SV2B: variants seen among roughly 807,000 people sequenced by gnomAD.
The protein encoded by SV2B is solute carrier family 22 member B2.
A neutral mutation model predicts 73.9 loss-of-function variants in SV2B; 41 were observed. The ratio of observed to expected loss-of-function variants is 0.56; its 90% confidence interval spans 0.43 to 0.72. The LOEUF (loss-of-function observed/expected upper bound fraction) is 0.72. Ranked by LOEUF, SV2B falls within the 30% of genes least tolerant of loss-of-function variation. The probability of loss-of-function intolerance (pLI) is 0.00; values close to 1 mark genes in which losing one functional copy is unlikely to be tolerated. For missense variants in SV2B, 764 were observed against 857.8 expected, an observed-to-expected ratio of 0.89 and a Z score of 1.37; for synonymous variants, 314 against 314.2, an observed-to-expected ratio of 1.00 and a Z score of 0.01.
In SV2B at chr15:91,290,239, A is replaced by G. The variant is rs2048996907; in HGVS notation, c.1868+559A>G. On this transcript the variant is annotated intron_variant, in intron 12 of 12. Transcript: ENST00000394232. The surrounding 1 kb of genome is among the most constrained non-coding windows in gnomAD (Gnocchi z 4.7). The stretch of plus-strand genomic sequence containing the variant: ...TCGTGGAGGGGAATTGTAAAGTTTA[A>G]AGGAGAAGATAAGAGGCCCTGTGGT... Among the ~76,000 whole-genome samples the G allele has an allele frequency of 2.6e-5, 4 of 152,190 alleles. No individual in the cohort carries two copies. In the South Asian group the frequency reaches 8.3e-4, roughly 31 times the overall value.
rs1191655296 is a variant in SV2B at position 91,105,960 on chromosome 15, G to A, written c.-392+5597G>A. On this transcript the variant is annotated intron_variant, in intron 1 of 12. Coordinates refer to ENST00000394232, the MANE Select transcript of SV2B (RefSeq NM_001323032.3). The surrounding 1 kb of genome is among the most constrained non-coding windows in gnomAD (Gnocchi z 5.5). ...GCTACTCGGGAGTCTGAGGTGGGAG[G>A]ATCACCTGAGCCTGGGGAGGTCGAG... is the stretch of plus-strand genomic sequence containing the variant. 1.3e-5 allele frequency among the ~76,000 whole-genome samples: 2 copies of A among 152,074 alleles called. No individual in the cohort carries two copies. Among genetic ancestry groups the A allele is most frequent in the Non-Finnish European group, 2.9e-5 (2 of 68,022 alleles).
In SV2B at chr15:91,123,110, A is replaced by G. The variant is rs1352409280; in HGVS notation, c.-392+22747A>G. Reference sequence around the variant, plus strand: ...ACATGGCAAAACCCTGTTTCTACAAAACAAAGTACAAAAATTAGCTAAGCA... The same window carrying G: ...ACATGGCAAAACCCTGTTTCTACAAGACAAAGTACAAAAATTAGCTAAGCA... On this transcript the variant is annotated intron_variant, in intron 1 of 12. Transcript: ENST00000394232. This position sits in a 1 kb window ranked among gnomAD's most constrained non-coding sequence, Gnocchi z 4.7. Among the ~76,000 whole-genome samples, 2 of 151,830 alleles carry G rather than the reference A, an allele frequency of 1.3e-5. No homozygotes were observed. The highest frequency in any genetic ancestry group is 4.8e-5 in the African/African-American group (2 of 41,308).
rs927842600 is a variant in SV2B at position 91,234,710 on chromosome 15, C to G, written c.451+7996C>G. ...TGAGCCAGTTTACAGACCCAGAAAC[C>G]CTTGAATGAAAGGGAGGCTGAATCT... On this transcript the variant is annotated intron_variant, in intron 2 of 12. Transcript: ENST00000394232. The surrounding 1 kb of genome is among the most constrained non-coding windows in gnomAD (Gnocchi z 5.6). 1.3e-5 allele frequency among the ~76,000 whole-genome samples: 2 copies of G among 152,094 alleles called. No homozygotes were observed. The highest frequency in any genetic ancestry group is 1.5e-5 in the Non-Finnish European group (1 of 68,026).
At position 91,226,272 on chromosome 15, in the gene SV2B, C is replaced by T. The variant is rs769352556; in HGVS notation, c.9C>T (p.Asp3=). The T allele has an allele frequency of 2.5e-5, 40 of 1,614,014 alleles. No homozygotes were observed. In the Admixed American group the frequency reaches 3.3e-4, roughly 13 times the overall value. ...AGTCGCAGAACCAAGGAATGGATGA[C>T]TACAAGTATCAGGACAATTATGGGG... The part of the protein sequence containing the change: MD[D]YKYQDNYGGY... The change falls in exon 2 of 13, where the codon GAC becomes GAT. Residue 3 remains aspartate (D), a synonymous_variant. Coordinates refer to ENST00000394232, the MANE Select transcript of SV2B (RefSeq NM_001323032.3).
rs772057834 is a variant in SV2B, at chr15:91,141,177, G to T, written c.-392+40814G>T. On this transcript the variant is annotated intron_variant, in intron 1 of 12. Coordinates refer to ENST00000394232, the MANE Select transcript of SV2B (RefSeq NM_001323032.3). The surrounding 1 kb of genome is among the most constrained non-coding windows in gnomAD (Gnocchi z 4.6). ...ACCCCATTCCCACAGGATTTTCTTC[G>T]GTAGGTCTGCATTGAGGCCTGAGAA... Among the ~76,000 whole-genome samples the T allele has an allele frequency of 2.0e-5, 3 of 152,082 alleles. No individual in the cohort carries two copies. The highest frequency in any genetic ancestry group is 4.4e-5 in the Non-Finnish European group (3 of 68,006).
chr15:91,149,974 CTCTTTCTGTCTCTG>C (rs2043263729), intron 1 of SV2B, among the ~76,000 whole-genome samples: 1 of 152,122 alleles, frequency 6.6e-6, no homozygotes, highest in Non-Finnish European at 1.5e-5. Context: ...CTGATATCCT[CTCTTTCTGTCTCTG>C]TCTTTCTGTC....
rs369405494 is a variant in SV2B, at chr15:91,109,150, G to A, written c.-392+8787G>A. Among the ~76,000 whole-genome samples the A allele has an allele frequency of 1.1e-4, 17 of 152,378 alleles. No homozygotes were observed. In the East Asian group the frequency reaches 1.9e-3, roughly 17 times the overall value. On this transcript the variant is annotated intron_variant, in intron 1 of 12. Transcript: ENST00000394232. ...TTACAGATGAGATATCTGAGGCGCAGAGAAAAGAAATGACAGACAAAAGTA... is the reference window on the plus strand; with the variant it reads ...TTACAGATGAGATATCTGAGGCGCAAAGAAAAGAAATGACAGACAAAAGTA...
chr15:91,243,122 C>T (rs1196310918), intron 2 of SV2B, among the ~76,000 whole-genome samples: 1 of 152,180 alleles, frequency 6.6e-6, no homozygotes, highest in African/African-American at 2.4e-5. Flanking sequence ...TATATCTCAT[C>T]AGACACAATA....
At position 91,227,113 on chromosome 15, in the gene SV2B, G is replaced by C. The variant is rs2046409942; in HGVS notation, c.451+399G>C. Reference sequence around the variant, plus strand: ...TACATTTGGGAAGAGATCTCTGGCTGGTCTCTTCCACTTGGTCCTTCTCTC... The same window carrying C: ...TACATTTGGGAAGAGATCTCTGGCTCGTCTCTTCCACTTGGTCCTTCTCTC... On this transcript the variant is annotated intron_variant, in intron 2 of 12. Transcript: ENST00000394232. The surrounding 1 kb of genome is among the most constrained non-coding windows in gnomAD (Gnocchi z 4.5). Among the ~76,000 whole-genome samples the C allele has an allele frequency of 6.6e-6, 1 of 152,106 alleles. No homozygotes were observed. The highest frequency in any genetic ancestry group is 6.5e-5 in the Admixed American group (1 of 15,280).
At chr15:91,190,756 C>T (rs2044979320) in intron 1 of SV2B, among the ~76,000 whole-genome samples, 1 of 151,914 alleles carries the variant, frequency 6.6e-6, no homozygotes, top group South Asian at 2.1e-4. Context: ...TGCACACAAA[C>T]TTTTTTTTAG....
At chr15:91,225,677 G>T (rs901019507) in intron 1 of SV2B, among the ~76,000 whole-genome samples, 196 bp from the exon 2 acceptor site, 12 of 152,098 alleles carry the variant, frequency 7.9e-5, no homozygotes, top group African/African-American at 2.9e-4. Context: ...TCTGACCACG[G>T]TTCCTTCTCC....
chr15:91,160,286 A>G (rs2043664918), intron 1 of SV2B, among the ~76,000 whole-genome samples: 1 of 152,208 alleles, frequency 6.6e-6, no homozygotes, highest in Non-Finnish European at 1.5e-5. Context: ...AAAGAAGAAT[A>G]ACGAAATGAT....
chr15:91,212,748 G>A (rs2045908995), intron 1 of SV2B, among the ~76,000 whole-genome samples: 1 of 151,850 alleles, frequency 6.6e-6, no homozygotes, highest in Non-Finnish European at 1.5e-5. Context: ...GAGCCCAGGA[G>A]TTTGAGACCA....
chr15:91,147,729 C>T (rs1259600371), intron 1 of SV2B, among the ~76,000 whole-genome samples: 1 of 152,022 alleles, frequency 6.6e-6, no homozygotes, highest in Non-Finnish European at 1.5e-5. Flanking sequence ...TTGCCTGAAT[C>T]CGGGAAGGGA....
At chr15:91,181,823 G>T (rs975752797) in intron 1 of SV2B, among the ~76,000 whole-genome samples, 2 of 151,594 alleles carry the variant, frequency 1.3e-5, no homozygotes, top group Admixed American at 1.3e-4. Context: ...GCAAAGTAAT[G>T]TAAGAAAATT....
chr15:91,107,981 G>A (rs1038535015), intron 1 of SV2B, among the ~76,000 whole-genome samples: 2 of 152,070 alleles, frequency 1.3e-5, no homozygotes, highest in Admixed American at 1.3e-4. Flanking sequence ...GGTTTCCTCA[G>A]TTGTAAGGTG....
Position 91,234,460 on chromosome 15 carries a change from G to A in SV2B, c.451+7746G>A, listed in dbSNP as rs187401376. 1.4e-4 allele frequency among the ~76,000 whole-genome samples: 22 copies of A among 152,322 alleles called. No homozygotes were observed. The East Asian group carries it at 3.1e-3, about 21-fold the overall frequency. Reference sequence around the variant, plus strand: ...AGTCACCAAAGGCAAGGGGAGTGTGGTTATTGTAGTGGACAGCAGAGGCAA... The same window carrying A: ...AGTCACCAAAGGCAAGGGGAGTGTGATTATTGTAGTGGACAGCAGAGGCAA... On this transcript the variant is annotated intron_variant, in intron 2 of 12. Coordinates refer to ENST00000394232, the MANE Select transcript of SV2B (RefSeq NM_001323032.3). This position sits in a 1 kb window ranked among gnomAD's most constrained non-coding sequence, Gnocchi z 5.6.
chr15:91,173,227 C>T (rs1188276320), intron 1 of SV2B, among the ~76,000 whole-genome samples: 2 of 152,000 alleles, frequency 1.3e-5, no homozygotes, highest in Admixed American at 6.6e-5. Flanking sequence ...GGTACGAGCG[C>T]GGTGTGTCTG....
intron 9 of SV2B, among the ~76,000 whole-genome samples, chr15:91,272,684 G>A (rs772764539): frequency 2.4e-4 from 37 of 152,132 alleles, no homozygotes; most frequent in Non-Finnish European, 4.3e-4. Context: ...AAATGAGGCC[G>A]GTAGGATAGC....
Sources: allele counts gnomAD v4.1 joint callset (sites outside exome capture counted in the v4.1 genomes callset), GRCh38; gene constraint gnomAD v4.1.1; non-coding constraint Gnocchi (gnomAD v3.1); transcripts MANE v1.5; gene names NCBI Gene and HGNC (gene_info 2026-07-23, HGNC 2026-07-21).